Variants in KLHL32 observed in about 807,000 individuals in gnomAD.
KLHL32 encodes the protein kelch like family member 32.
In KLHL32, 35 loss-of-function variants were observed where a neutral mutation model predicts 64.8. The ratio of observed to expected loss-of-function variants is 0.54; its 90% confidence interval spans 0.41 to 0.72. The LOEUF is 0.72. Ranked by LOEUF, KLHL32 falls within the 30% of genes least tolerant of loss-of-function variation. The probability of loss-of-function intolerance (pLI) is 0.00; values close to 1 mark genes in which losing one functional copy is unlikely to be tolerated. For missense variants in KLHL32, 589 were observed against 768.5 expected, an observed-to-expected ratio of 0.77 and a Z score of 2.76; for synonymous variants, 259 against 281.0, an observed-to-expected ratio of 0.92 and a Z score of 0.78.
intron 3 of KLHL32, among the ~76,000 whole-genome samples, chr6:97,031,965 C>T (rs1235514113): frequency 6.6e-6 from 1 of 152,074 alleles, no homozygotes; most frequent in Non-Finnish European, 1.5e-5. Flanking sequence ...TTACTATGTG[C>T]CACATATTAT....
chr6:97,133,962 T>A (rs1391890344), intron 10 of KLHL32, among the ~76,000 whole-genome samples: 1 of 152,124 alleles, frequency 6.6e-6, no homozygotes, highest in Non-Finnish European at 1.5e-5. Flanking sequence ...TATTGTTTAG[T>A]ATTATGTATC....
chr6:96,967,313 A>G (rs1402184702), intron 2 of KLHL32, among the ~76,000 whole-genome samples: 1 of 152,110 alleles, frequency 6.6e-6, no homozygotes. Context: ...ACTATTTTTT[A>G]ATCTTTTTTT....
At chr6:97,063,765 C>G (rs1342572293) in intron 4 of KLHL32, among the ~76,000 whole-genome samples, 1 of 152,156 alleles carries the variant, frequency 6.6e-6, no homozygotes, top group African/African-American at 2.4e-5. Context: ...GATGCCAATG[C>G]TGCTGGTCCA....
chr6:96,905,934 C>G, the KLHL32 span, among the ~76,000 whole-genome samples: 1 of 152,270 alleles, frequency 6.6e-6, no homozygotes. Flanking sequence ...ATGAAGTGTC[C>G]TTGCTCATAG....
upstream of KLHL32, among the ~76,000 whole-genome samples, chr6:96,920,907 A>G (rs1269161632): frequency 6.6e-6 from 1 of 152,168 alleles, no homozygotes; most frequent in African/African-American, 2.4e-5. Flanking sequence ...GAATTCTTAG[A>G]ATTGGAATTA....
At chr6:97,002,852 C>T (rs2128080590) in intron 3 of KLHL32, among the ~76,000 whole-genome samples, 1 of 152,262 alleles carries the variant, frequency 6.6e-6, no homozygotes, top group East Asian at 1.9e-4. Context: ...ATATGTAGTA[C>T]ATATTCCATG....
chr6:96,911,855 A>AGCTGCCG, the KLHL32 span, among the ~76,000 whole-genome samples: 1 of 21,270 alleles, frequency 4.7e-5, no homozygotes, highest in Non-Finnish European at 8.2e-5. Context: ...TTTTTTTGGC[A>AGCTGCCG]GCTGCCACTC....
the KLHL32 span, among the ~76,000 whole-genome samples, chr6:96,907,553 A>T: frequency 1.1e-3 from 173 of 152,310 alleles, no homozygotes; most frequent in African/African-American, 3.9e-3. Context: ...TAAACACTCT[A>T]TGTACAGGAA....
chr6:96,981,416 T>C (rs1404774559), intron 3 of KLHL32, among the ~76,000 whole-genome samples: 1 of 152,186 alleles, frequency 6.6e-6, no homozygotes, highest in African/African-American at 2.4e-5. Flanking sequence ...TTTTCATTTC[T>C]GATTGCATTT....
intron 6 of KLHL32, among the ~76,000 whole-genome samples, chr6:97,089,801 G>C (rs1266887216): frequency 6.7e-6 from 1 of 149,940 alleles, no homozygotes. Flanking sequence ...AAAAAGAACA[G>C]TACTTTTCTT....
intron 8 of KLHL32, among the ~76,000 whole-genome samples, chr6:97,129,172 T>G (rs1256429437): frequency 6.6e-6 from 1 of 152,214 alleles, no homozygotes; most frequent in Non-Finnish European, 1.5e-5. Context: ...AAAGAGCTAG[T>G]CTATATGCCT....
intron 3 of KLHL32, among the ~76,000 whole-genome samples, chr6:96,983,350 T>C (rs1389460846): frequency 1.3e-5 from 2 of 152,294 alleles, no homozygotes; most frequent in Non-Finnish European, 2.9e-5. Flanking sequence ...TCTTTTTTTG[T>C]TGTGTCTCTG....
chr6:97,023,196 A>C (rs7768850), intron 3 of KLHL32, among the ~76,000 whole-genome samples: 4,993 of 152,048 alleles, frequency 0.033, 112 homozygotes, highest in East Asian at 0.069. Flanking sequence ...TACTAAATAC[A>C]TATAATTTAG....
chr6:97,014,885 C>G lies in KLHL32; in HGVS notation c.205-26607C>G, dbSNP rs1267723476. Reference sequence around the variant, plus strand: ...ATATGGTTAGGCTCTGTGTCCCCACCCAAATCTCATCTCGAATTTTAATCC... The same window carrying G: ...ATATGGTTAGGCTCTGTGTCCCCACGCAAATCTCATCTCGAATTTTAATCC... On this transcript the variant is annotated intron_variant, in intron 3 of 10. Transcript: ENST00000369261. Among the ~76,000 whole-genome samples, 5 of 152,132 alleles carry G rather than the reference C, an allele frequency of 3.3e-5. No individual in the cohort carries two copies. In the East Asian group the frequency reaches 9.7e-4, roughly 29 times the overall value.
At chr6:97,095,698 G>A (rs1794890433) in intron 6 of KLHL32, among the ~76,000 whole-genome samples, 1 of 152,190 alleles carries the variant, frequency 6.6e-6, no homozygotes, top group South Asian at 2.1e-4. Context: ...TGGAGCATGT[G>A]TCATTCATTG....
chr6:97,036,745 C>T (rs147523507), intron 3 of KLHL32, among the ~76,000 whole-genome samples: 6 of 152,302 alleles, frequency 3.9e-5, no homozygotes, highest in Non-Finnish European at 8.8e-5. Context: ...TGACATCACA[C>T]CCAGGTGTGG....
chr6:97,029,056 A>T (rs1015513650), intron 3 of KLHL32, among the ~76,000 whole-genome samples: 1 of 152,222 alleles, frequency 6.6e-6, no homozygotes, highest in African/African-American at 2.4e-5. Flanking sequence ...TGAGTTACCC[A>T]ACTGCATGGT....
At chr6:97,018,627 A>T (rs987421092) in intron 3 of KLHL32, among the ~76,000 whole-genome samples, 5 of 151,992 alleles carry the variant, frequency 3.3e-5, no homozygotes, top group African/African-American at 1.2e-4. Flanking sequence ...CAATCCAAGT[A>T]TATTTATTAA....
In KLHL32 at chr6:97,114,557, G is replaced by T. The variant is rs746347697; in HGVS notation, c.1354+48G>T. ...TTTATCAAAACACACTTTCATTGTG[G>T]TATATATTTAAAAGTCAAGCTTTAA... On this transcript the variant is annotated intron_variant, in intron 7 of 10. Coordinates refer to ENST00000369261, the MANE Select transcript of KLHL32 (RefSeq NM_052904.4). 3.1e-6 allele frequency: 5 copies of T among 1,602,710 alleles called. No individual in the cohort carries two copies. In the Admixed American group the frequency reaches 5.0e-5, roughly 16 times the overall value.
Sources: gnomAD v4.1 joint callset for allele counts (sites outside exome capture counted in the v4.1 genomes callset) on GRCh38, gnomAD v4.1.1 for gene constraint, MANE v1.5 for transcripts, NCBI Gene and HGNC (gene_info 2026-07-23, HGNC 2026-07-21) for gene names.